The following SENP5 variants were observed in gnomAD, a reference collection of about 807,000 sequenced individuals.
The protein encoded by SENP5 is sentrin-specific protease 5.
Under a neutral mutation model 74.2 loss-of-function variants are expected in SENP5, and 21 were observed. The ratio of observed to expected loss-of-function variants is 0.28; its 90% CI spans 0.20 to 0.41. The LOEUF is 0.41. Among genes scored for constraint, SENP5 ranks in the 10% least tolerant of loss-of-function variants. The pLI is 1.00. For missense variants in SENP5, 717 were observed against 889.1 expected (o/e 0.81, Z 2.46); for synonymous variants, 311 against 312.7 (o/e 0.99, Z 0.06).
intron 6 of SENP5, among the ~76,000 whole-genome samples, chr3:196,911,281 A>G (rs1394826979): frequency 6.6e-6 from 1 of 152,246 alleles, no homozygotes; most frequent in African/African-American, 2.4e-5. Context: ...GGCAACCTAT[A>G]GAATTGGATA....
chr3:196,925,964 G>A (rs1196983693), intron 7 of SENP5, among the ~76,000 whole-genome samples: 2 of 152,166 alleles, frequency 1.3e-5, no homozygotes, highest in Non-Finnish European at 2.9e-5. Flanking sequence ...GGATGTAGGG[G>A]TTGTAGAAGT....
Position 196,930,797 on chromosome 3 carries a change from AC to A in SENP5, c.2158-14del, listed in dbSNP as rs780958289. 2.1e-5 allele frequency: 30 copies of A among 1,423,544 alleles called. No homozygotes were observed. Among genetic ancestry groups the A allele is most frequent in the Non-Finnish European group, 2.8e-5 (30 of 1,063,694 alleles). 88.2% of individuals were successfully genotyped at this position (1,423,544 alleles called of 1,614,324 possible). On this transcript the variant is annotated splice_polypyrimidine_tract_variant and intron_variant, in intron 9 of 9. Coordinates refer to ENST00000323460, the MANE Select transcript of SENP5 (RefSeq NM_152699.5). ...CAAGTGCCACTGAAGTGTTTCTGGG[AC>A]CTTTTTTTTTGCAGTACTGCAAGTG...
chr3:196,899,563 C>T (rs1304000033), intron 2 of SENP5, 103 bp from the exon 3 acceptor site: 1 of 683,114 alleles, frequency 1.5e-6, no homozygotes, highest in Non-Finnish European at 2.6e-6. Context: ...AGGTTAACCA[C>T]TGTATGTGTT....
intron 2 of SENP5, among the ~76,000 whole-genome samples, chr3:196,892,090 G>A (rs1050152371): frequency 3.4e-5 from 5 of 147,150 alleles, no homozygotes; most frequent in African/African-American, 5.0e-5. Context: ...GCGCCCGGCC[G>A]ACCTTGACTC....
rs1180194391 is a variant in SENP5, at chr3:196,899,972, A to G, written c.1668A>G (p.Gln556=). ...REITNYRARH[Q]KCNFRIFYNK... is the part of the protein sequence containing the mutation. ...TAACAAACTATCGGGCCAGACATCA[A>G]AAATGTAACTTCCGTATCTTCTATA... Residue 556 remains glutamine, a synonymous_variant, in exon 4 of 10, where the codon CAA becomes CAG. Transcript: ENST00000323460. 1.1e-5 allele frequency: 17 copies of G among 1,614,030 alleles called. No homozygotes were observed. The highest frequency in any genetic ancestry group is 1.4e-5 in the Non-Finnish European group (16 of 1,180,032).
At chr3:196,892,890 A>C (rs553406872) in intron 2 of SENP5, among the ~76,000 whole-genome samples, 2 of 152,300 alleles carry the variant, frequency 1.3e-5, no homozygotes, top group East Asian at 3.9e-4. Context: ...TTAAGGCTGA[A>C]TTGTATTCCA....
chr3:196,899,078 C>CA (rs10709079), intron 2 of SENP5, among the ~76,000 whole-genome samples: 278 of 108,146 alleles, frequency 2.6e-3, no homozygotes, highest in African/African-American at 6.4e-3. Flanking sequence ...GACGCCATCT[C>CA]AAAAAAAAAA....
chr3:196,929,713 C>A (rs1326861573), intron 9 of SENP5, 30 bp downstream of exon 9: 4 of 1,509,774 alleles, frequency 2.6e-6, no homozygotes, highest in Admixed American at 1.7e-5. Flanking sequence ...TCGGAACTTA[C>A]AATGTGTGAA....
chr3:196,886,833 A>G, intron 2 of SENP5, 139 bp downstream of exon 2: 1 of 585,964 alleles, frequency 1.7e-6, no homozygotes, highest in Non-Finnish European at 2.9e-6. Context: ...AGCCTTTTAT[A>G]TTGCTGCATT....
intron 1 of SENP5, among the ~76,000 whole-genome samples, chr3:196,883,252 C>T (rs562311889): frequency 2.0e-5 from 3 of 152,054 alleles, no homozygotes; most frequent in Non-Finnish European, 4.4e-5. Context: ...AACTTTAGGC[C>T]ACCCTATTGA....
At chr3:196,903,443 C>T (rs1477040479) in intron 5 of SENP5, 90 bp from the exon 6 acceptor site, 3 of 769,274 alleles carry the variant, frequency 3.9e-6, no homozygotes, top group Non-Finnish European at 4.2e-6. Flanking sequence ...GTCTGCTTTA[C>T]ATTCAAACAT....
intron 2 of SENP5, among the ~76,000 whole-genome samples, chr3:196,889,074 C>T (rs1378912997): frequency 6.6e-6 from 1 of 151,872 alleles, no homozygotes. Context: ...TGAGATCGTG[C>T]CACTGCACTC....
intron 6 of SENP5, among the ~76,000 whole-genome samples, chr3:196,908,005 C>T (rs1042503570): frequency 6.6e-6 from 1 of 152,148 alleles, no homozygotes; most frequent in African/African-American, 2.4e-5. Context: ...CGCTGTGTCT[C>T]ACATCTGCAG....
chr3:196,904,941 T>TGAGATG, intron 6 of SENP5: 3 of 152,210 alleles, frequency 2.0e-5, no homozygotes, highest in Non-Finnish European at 2.9e-5. Flanking sequence ...ATTTATTTTT[T>TGAGATG]GAGATGGAGT....
Position 196,931,234 on chromosome 3 carries a change from T to G in SENP5, c.*311T>G, listed in dbSNP as rs1317928039. The G allele has an allele frequency of 9.4e-6, 2 of 212,380 alleles. No individual in the cohort carries two copies. The highest frequency in any genetic ancestry group is 1.9e-5 in the Non-Finnish European group (2 of 106,200). The allele number at this position is 212,380 out of a possible 1,614,324, so 13.2% of individuals were successfully genotyped here. Reference sequence around the variant, plus strand: ...TATTAAAAAAAAAAGCTTAGTAGATTTGGTGCAGCTTTTGAAACTTAGTTA... The same window carrying G: ...TATTAAAAAAAAAAGCTTAGTAGATGTGGTGCAGCTTTTGAAACTTAGTTA... On this transcript the variant is annotated 3_prime_UTR_variant, in exon 10 of 10. Coordinates refer to ENST00000323460, the MANE Select transcript of SENP5 (RefSeq NM_152699.5).
In SENP5 at chr3:196,899,958, C is replaced by T. The variant is rs766269938; in HGVS notation, c.1654C>T (p.Arg552Trp). 1.9e-5 allele frequency: 30 copies of T among 1,613,778 alleles called. No homozygotes were observed. The highest frequency in any genetic ancestry group is 2.5e-5 in the Non-Finnish European group (29 of 1,179,940). Residue 552 changes from arginine (R) to tryptophan (W), a missense_variant, in exon 4 of 10, where the codon CGG becomes TGG. Physicochemically the swap from Arg to Trp is moderately radical, Grantham distance 101 (BLOSUM62 -3). Transcript: ENST00000323460. ...PFINREITNYRARHQKCNFRI... is the reference protein window; with the variant it reads ...PFINREITNYWARHQKCNFRI... ...TATCAATAGGGAAATAACAAACTATCGGGCCAGACATCAAAAATGTAACTT... is the reference window on the plus strand; with the variant it reads ...TATCAATAGGGAAATAACAAACTATTGGGCCAGACATCAAAAATGTAACTT...
intron 7 of SENP5, among the ~76,000 whole-genome samples, chr3:196,926,620 G>A (rs958786847): frequency 6.6e-6 from 1 of 151,020 alleles, no homozygotes; most frequent in African/African-American, 2.4e-5. Context: ...TTCTTCTGAA[G>A]AGGTGGCTTC....
rs960037141 is a variant in SENP5 at position 196,928,421 on chromosome 3, T to C, written c.2106+542T>C. 5.3e-5 allele frequency among the ~76,000 whole-genome samples: 8 copies of C among 152,240 alleles called. 1 individual carries two copies. Among genetic ancestry groups the C allele is most frequent in the Non-Finnish European group, 1.0e-4 (7 of 68,040 alleles). On this transcript the variant is annotated intron_variant, in intron 8 of 9. Coordinates refer to ENST00000323460, the MANE Select transcript of SENP5 (RefSeq NM_152699.5). ...CTGTCGTAAATACCAGTGTCTTCAT[T>C]GATGGTGGGCTGTGTTGTTTCCAGT...
chr3:196,885,694 T>G lies in SENP5; in HGVS notation c.513T>G (p.Asn171Lys). Residue 171 changes from asparagine (N) to lysine (K), a missense_variant, in exon 2 of 10, where the codon AAT becomes AAG. Physicochemically the swap from Asn to Lys is moderately conservative, Grantham distance 94. This residue lies in a region of SENP5 where 567 missense variants were observed against 577.4 expected (regional missense o/e 0.98). Coordinates refer to ENST00000323460, the MANE Select transcript of SENP5 (RefSeq NM_152699.5). ...CTTCTGACTTTCCCATGAAGTTCAA[T>G]GGGGAGAGCCAAAGTCCAGGTGAGA... Reference protein sequence around the residue: ...PQPSDFPMKFNGESQSPGESG... With the variant: ...PQPSDFPMKFKGESQSPGESG... The G allele has an allele frequency of 6.2e-7, 1 of 1,614,190 alleles. No individual in the cohort carries two copies. The highest frequency in any genetic ancestry group is 8.5e-7 in the Non-Finnish European group (1 of 1,180,034).
Sources: gnomAD v4.1 joint callset for allele counts (sites outside exome capture counted in the v4.1 genomes callset) on GRCh38, gnomAD v4.1.1 for gene constraint, gnomAD v4.1.1 regional missense constraint, MANE v1.5 for transcripts, NCBI Gene and HGNC (gene_info 2026-07-23, HGNC 2026-07-21) for gene names.